STEAP1B: variants seen among roughly 807,000 people sequenced by gnomAD.
STEAP1B encodes STEAP family member 1B, also known as STEAP family protein MGC87042.
STEAP1B carries 13 observed loss-of-function variants against 27.9 expected under a neutral mutation model. The observed-to-expected ratio is 0.47, with a 90% CI of 0.30 to 0.74. The LOEUF is 0.74. Ranked by LOEUF, STEAP1B falls within the 30% of genes least tolerant of loss-of-function variation. The pLI, the probability that STEAP1B is intolerant of heterozygous loss-of-function variation, is 0.06. For missense variants in STEAP1B, 250 were observed against 298.7 expected (o/e 0.84, Z 1.20); for synonymous variants, 86 against 107.1 (o/e 0.80, Z 1.22).
At position 22,488,649 on chromosome 7, in the gene STEAP1B, G is replaced by A. The variant is rs576158317; in HGVS notation, c.762+3916C>T. Among the ~76,000 whole-genome samples the A allele has an allele frequency of 5.3e-5, 8 of 152,328 alleles. No homozygotes were observed. The South Asian group carries it at 1.4e-3, about 28-fold the overall frequency. ...GAAACAAAAGTTCTTGGTAGGTTCT[G>A]CCATGTTTTCACAGGAGCCACATCA... On this transcript the variant is annotated intron_variant, in intron 4 of 4. Coordinates refer to ENST00000678116, the MANE Select transcript of STEAP1B (RefSeq NM_001382447.1).
intron 4 of STEAP1B, among the ~76,000 whole-genome samples, chr7:22,473,537 G>C (rs1785921611): frequency 6.6e-6 from 1 of 152,224 alleles, no homozygotes; most frequent in South Asian, 2.1e-4. Flanking sequence ...TGTGTCTTGA[G>C]TGCTGAAATG....
rs143017766 is a variant in STEAP1B, at chr7:22,429,114, C to T, written c.763-9278G>A. On this transcript the variant is annotated intron_variant, in intron 4 of 4. Coordinates refer to ENST00000678116, the MANE Select transcript of STEAP1B (RefSeq NM_001382447.1). ...TGGACACAATCACTTTGGTAAACAA[C>T]TCATCATTATCCAGGGCACTGAAGG... Among the ~76,000 whole-genome samples, 296 of 152,286 alleles carry T rather than the reference C, an allele frequency of 1.9e-3. 1 individual carries two copies. Among genetic ancestry groups the T allele is most frequent in the African/African-American group, 6.5e-3 (271 of 41,540 alleles).
chr7:22,445,220 C>A (rs968872170), intron 4 of STEAP1B, among the ~76,000 whole-genome samples: 1 of 152,238 alleles, frequency 6.6e-6, no homozygotes, highest in African/African-American at 2.4e-5. Context: ...CAGCACAGAC[C>A]TCTTTGTGGT....
intron 4 of STEAP1B, among the ~76,000 whole-genome samples, chr7:22,470,574 C>G (rs922152698): frequency 6.6e-6 from 1 of 152,070 alleles, no homozygotes; most frequent in African/African-American, 2.4e-5. Context: ...AGTTCCAGAC[C>G]AGCCAACATG....
At chr7:22,491,090 T>C (rs981097931) in intron 4 of STEAP1B, among the ~76,000 whole-genome samples, 1 of 152,238 alleles carries the variant, frequency 6.6e-6, no homozygotes, top group African/African-American at 2.4e-5. Context: ...AGCAACTCAT[T>C]TTCTGCAGAT....
intron 4 of STEAP1B, among the ~76,000 whole-genome samples, chr7:22,451,120 C>T (rs1025119081): frequency 6.6e-6 from 1 of 151,776 alleles, no homozygotes; most frequent in Non-Finnish European, 1.5e-5. Flanking sequence ...TTGTTTAAAC[C>T]CAGGAGGCAG....
intron 4 of STEAP1B, among the ~76,000 whole-genome samples, chr7:22,469,943 TA>T (rs1053230999): frequency 6.6e-6 from 1 of 152,038 alleles, no homozygotes; most frequent in Non-Finnish European, 1.5e-5. Flanking sequence ...GACTCATGTT[TA>T]AAAAAAAGAT....
chr7:22,483,335 G>T (rs184647582), intron 4 of STEAP1B, among the ~76,000 whole-genome samples: 52 of 152,242 alleles, frequency 3.4e-4, no homozygotes, highest in African/African-American at 1.2e-3. Context: ...TGGATGAGGG[G>T]TACAGGCATA....
chr7:22,471,893 CAAAAAAAAAAA>C lies in STEAP1B; in HGVS notation c.762+20661_762+20671del, dbSNP rs59453902. ...ACTCCCGCCTGGGCAAACCTGTCTC[CAAAAAAAAAAA>C]AAAAAAAAAAAAAAGTTTTCATATT... On this transcript the variant is annotated intron_variant, in intron 4 of 4. Coordinates refer to ENST00000678116, the MANE Select transcript of STEAP1B (RefSeq NM_001382447.1). Among the ~76,000 whole-genome samples, 13 of 60,192 alleles carry C rather than the reference CAAAAAAAAAAA, an allele frequency of 2.2e-4. No homozygotes were observed. In the East Asian group the frequency reaches 4.3e-3, roughly 20 times the overall value. 39.5% of individuals were successfully genotyped at this position (60,192 alleles called of 152,430 possible).
chr7:22,467,685 G>A (rs1172039101), intron 4 of STEAP1B, among the ~76,000 whole-genome samples: 5 of 152,156 alleles, frequency 3.3e-5, no homozygotes, highest in East Asian at 3.8e-4. Context: ...CTTGTCTGCT[G>A]CCATGTGAGA....
intron 2 of STEAP1B, among the ~76,000 whole-genome samples, chr7:22,494,086 T>G (rs1786394613): frequency 7.2e-6 from 1 of 139,200 alleles, no homozygotes; most frequent in South Asian, 2.5e-4. Context: ...TATTTCATTT[T>G]ATGCACATTG....
At chr7:22,445,917 GATGAGTCGGAA>G (rs1785403163) in intron 4 of STEAP1B, among the ~76,000 whole-genome samples, 1 of 152,218 alleles carries the variant, frequency 6.6e-6, no homozygotes, top group South Asian at 2.1e-4. Flanking sequence ...CTTTCCCCCT[GATGAGTCGGAA>G]ACTTGACAAC....
chr7:22,475,848 G>T (rs1785962455), intron 4 of STEAP1B, among the ~76,000 whole-genome samples: 1 of 152,208 alleles, frequency 6.6e-6, no homozygotes, highest in Admixed American at 6.5e-5. Context: ...CCAGGTGGAG[G>T]TTATTAGGGA....
chr7:22,475,202 T>C (rs1199638664), intron 4 of STEAP1B, among the ~76,000 whole-genome samples: 1 of 152,172 alleles, frequency 6.6e-6, no homozygotes, highest in African/African-American at 2.4e-5. Flanking sequence ...GTGTGGCTGC[T>C]CCTAACGGGC....
intron 4 of STEAP1B, among the ~76,000 whole-genome samples, chr7:22,459,503 A>T (rs1297403539): frequency 1.3e-5 from 2 of 152,236 alleles, no homozygotes; most frequent in African/African-American, 4.8e-5. Context: ...CTGAGTAATG[A>T]TGTCTAAATT....
intron 4 of STEAP1B, among the ~76,000 whole-genome samples, chr7:22,491,077 A>C (rs1786312905): frequency 6.6e-6 from 1 of 152,236 alleles, no homozygotes; most frequent in Non-Finnish European, 1.5e-5. Flanking sequence ...CATTTTGAAA[A>C]GTAGCAACTC....
intron 4 of STEAP1B, among the ~76,000 whole-genome samples, chr7:22,478,587 C>T (rs1364630863): frequency 6.6e-6 from 1 of 152,146 alleles, no homozygotes; most frequent in African/African-American, 2.4e-5. Context: ...AATGTTAAGC[C>T]TCTCTGGGTC....
chr7:22,422,733 G>A (rs1407629634), intron 4 of STEAP1B, among the ~76,000 whole-genome samples: 2 of 152,138 alleles, frequency 1.3e-5, no homozygotes, highest in African/African-American at 4.8e-5. Context: ...GACCTCAGGT[G>A]ATCCACCTGC....
chr7:22,490,096 T>C (rs1436457342), intron 4 of STEAP1B, among the ~76,000 whole-genome samples: 1 of 152,246 alleles, frequency 6.6e-6, no homozygotes. Flanking sequence ...TTCTATCTTT[T>C]TGAAAACAAT....
Sources: gnomAD v4.1 joint callset for allele counts (sites outside exome capture counted in the v4.1 genomes callset) on GRCh38, gnomAD v4.1.1 for gene constraint, MANE v1.5 for transcripts, NCBI Gene and HGNC (gene_info 2026-07-23, HGNC 2026-07-21) for gene names.